BTD: variants seen among roughly 807,000 people sequenced by gnomAD.
The protein encoded by BTD is biotinidase.
BTD carries 13 observed loss-of-function variants against 17.7 expected under a neutral mutation model. The ratio of observed to expected loss-of-function variants is 0.74; its 90% CI spans 0.48 to 1.17. The LOEUF (loss-of-function observed/expected upper bound fraction) is 1.17. Ranked by LOEUF, BTD falls within the 50% of genes most tolerant of loss-of-function variation. The pLI is 0.00. For missense variants in BTD, 674 were observed against 650.4 expected, an observed-to-expected ratio of 1.04 and a Z score of -0.39; for synonymous variants, 240 against 245.2, an observed-to-expected ratio of 0.98 and a Z score of 0.20.
Position 15,650,852 on chromosome 3 carries a change from C to T in BTD, c.*5364C>T, listed in dbSNP as rs757402265. On this transcript the variant is annotated 3_prime_UTR_variant, in exon 4 of 4. Coordinates refer to ENST00000643237, the MANE Select transcript of BTD (RefSeq NM_001370658.1). Reference sequence around the variant, plus strand: ...TGGCATGATCTCGGCTCACTGCAAGCTCTGCCTCCCGAGTTCAAGCGATTC... The same window carrying T: ...TGGCATGATCTCGGCTCACTGCAAGTTCTGCCTCCCGAGTTCAAGCGATTC... Among the ~76,000 whole-genome samples, 1 of 152,226 alleles carries T rather than the reference C, an allele frequency of 6.6e-6. No homozygotes were observed. The highest frequency in any genetic ancestry group is 1.5e-5 in the Non-Finnish European group (1 of 68,040).
intron 3 of BTD, chr3:15,642,295 A>C: frequency 7.1e-7 from 1 of 1,412,786 alleles, no homozygotes; most frequent in Non-Finnish European, 9.2e-7. Flanking sequence ...TAAATACAGG[A>C]ATGTATACTT....
rs781065270 is a variant in BTD at position 15,645,260 on chromosome 3, C to T, written c.1344C>T (p.Phe448=). The part of the protein sequence containing the change: ...CALVRCGGLG[F]DTCGQEITEA... ...TGGTCAGGTGTGGGGGTCTTGGCTTCGACACCTGTGGACAGGAAATCACAG... is the reference window on the plus strand; with the variant it reads ...TGGTCAGGTGTGGGGGTCTTGGCTTTGACACCTGTGGACAGGAAATCACAG... The change falls in exon 4 of 4, where the codon TTC becomes TTT. Residue 448 remains phenylalanine, a synonymous_variant. Coordinates refer to ENST00000643237, the MANE Select transcript of BTD (RefSeq NM_001370658.1). 163 of 1,614,132 alleles carry T rather than the reference C, an allele frequency of 1.0e-4. 1 individual carries two copies. The highest frequency in any genetic ancestry group is 4.9e-4 in the East Asian group (22 of 44,884).
downstream of BTD, among the ~76,000 whole-genome samples, chr3:15,653,802 A>AGTTGC (rs2065841378): frequency 1.3e-5 from 2 of 152,232 alleles, no homozygotes; most frequent in African/African-American, 4.8e-5. Context: ...GCAACTCTCA[A>AGTTGC]AAAATCACGT....
chr3:15,713,598 C>T, downstream of BTD: 2 of 1,610,250 alleles, frequency 1.2e-6, no homozygotes, highest in East Asian at 2.2e-5. Context: ...CTGCTATGTG[C>T]AAAGGGGTAT....
chr3:15,688,979 T>C (rs753930024), intron 3 of BTD, among the ~76,000 whole-genome samples: 2 of 152,216 alleles, frequency 1.3e-5, no homozygotes, highest in Non-Finnish European at 2.9e-5. Flanking sequence ...AAGAAATAAA[T>C]ACTGCATTGT....
In BTD at chr3:15,643,530, A is replaced by C. The variant is rs1233728529; in HGVS notation, c.400-786A>C. 2.0e-5 allele frequency among the ~76,000 whole-genome samples: 3 copies of C among 152,054 alleles called. No homozygotes were observed. In the East Asian group the frequency reaches 5.8e-4, roughly 29 times the overall value. On this transcript the variant is annotated intron_variant, in intron 3 of 3. Transcript: ENST00000643237. ...AAAAAAGAAAAAGAAGAATCTTTTG[A>C]ATTTTTGCCAGTCTTATGAAGGTGA...
rs755223450 is a variant in BTD, at chr3:15,685,401, A to T, written c.400-24659A>T. 2.5e-6 allele frequency: 4 copies of T among 1,614,044 alleles called. No individual in the cohort carries two copies. The highest frequency in any genetic ancestry group is 2.5e-6 in the Non-Finnish European group (3 of 1,179,880). On this transcript the variant is annotated intron_variant, in intron 3 of 3. Transcript: ENST00000672141. Reference sequence around the variant, plus strand: ...TATCCCGAAGTAAGCACTTAGCACCATGTTGAAGTAATGCATCTACACATT... The same window carrying T: ...TATCCCGAAGTAAGCACTTAGCACCTTGTTGAAGTAATGCATCTACACATT...
At chr3:15,675,973 C>T in intron 3 of BTD, 2 of 1,612,624 alleles carry the variant, frequency 1.2e-6, no homozygotes, top group South Asian at 1.1e-5. Context: ...CCATTTCGGG[C>T]AGCAACATGC....
rs372574369 is a variant in BTD at position 15,651,597 on chromosome 3, C to A, written c.*6109C>A. 2.0e-5 allele frequency among the ~76,000 whole-genome samples: 3 copies of A among 152,206 alleles called. No homozygotes were observed. The highest frequency in any genetic ancestry group is 7.2e-5 in the African/African-American group (3 of 41,444). On this transcript the variant is annotated 3_prime_UTR_variant, in exon 4 of 4. Coordinates refer to ENST00000643237, the MANE Select transcript of BTD (RefSeq NM_001370658.1). ...CGTAGCGGTGTGACAGGCAGAGAGCCAGGCGATCCATATCCTGTCTCCTCT... is the reference window on the plus strand; with the variant it reads ...CGTAGCGGTGTGACAGGCAGAGAGCAAGGCGATCCATATCCTGTCTCCTCT...
At chr3:15,606,565 C>G (rs1015964198) in intron 1 of BTD, 2 of 152,210 alleles carry the variant, frequency 1.3e-5, no homozygotes, top group African/African-American at 4.8e-5. Context: ...GAAAACTGAA[C>G]TCTGAATTGG....
chr3:15,660,404 G>T (rs1336263199), intron 3 of BTD, among the ~76,000 whole-genome samples: 1 of 152,156 alleles, frequency 6.6e-6, no homozygotes, highest in African/African-American at 2.4e-5. Context: ...TTCCACTTCT[G>T]ATTCGACTCC....
chr3:15,611,711 G>A (rs1455939593), intron 1 of BTD, among the ~76,000 whole-genome samples: 1 of 151,732 alleles, frequency 6.6e-6, no homozygotes, highest in Admixed American at 6.6e-5. Flanking sequence ...CCAGGAGGCA[G>A]AGGTTGCAAT....
chr3:15,683,785 GC>G (rs1240658452), intron 3 of BTD: 3 of 152,152 alleles, frequency 2.0e-5, no homozygotes, highest in Non-Finnish European at 4.4e-5. Context: ...ACAAGATTCA[GC>G]TTTTTCCTCT....
intron 3 of BTD, chr3:15,694,609 A>G: frequency 1.7e-6 from 1 of 577,104 alleles, no homozygotes; most frequent in Non-Finnish European, 2.8e-6. Flanking sequence ...AAGTTCTCAA[A>G]GTTTTAATTC....
chr3:15,701,778 T>C (rs1197360151), intron 3 of BTD, among the ~76,000 whole-genome samples: 1 of 152,194 alleles, frequency 6.6e-6, no homozygotes, highest in Non-Finnish European at 1.5e-5. Flanking sequence ...AAACTAATTC[T>C]GAGGACATGT....
In BTD at chr3:15,645,150, A is replaced by T. The variant is rs1321393639; in HGVS notation, c.1234A>T (p.Thr412Ser). The change falls in exon 4 of 4, where the codon ACC becomes TCC. Residue 412 changes from threonine (T) to serine (S), a missense_variant. Thr to Ser is a moderately conservative substitution (Grantham distance 58). Coordinates refer to ENST00000643237, the MANE Select transcript of BTD (RefSeq NM_001370658.1). ...CTGTTATTTACTTTACGAGAGGCCC[A>T]CCTTATCCAAAGAGCTGTATGCCCT... ...LCCYLLYERPTLSKELYALGV... is the reference protein window; with the variant it reads ...LCCYLLYERPSLSKELYALGV... 6.2e-7 allele frequency: 1 copy of T among 1,614,004 alleles called. No homozygotes were observed. The highest frequency in any genetic ancestry group is 8.5e-7 in the Non-Finnish European group (1 of 1,180,030).
chr3:15,606,590 A>G (rs2064461438), intron 1 of BTD: 1 of 152,242 alleles, frequency 6.6e-6, no homozygotes, highest in South Asian at 2.1e-4. Flanking sequence ...AATAACTGGA[A>G]TTCAGTTAAC....
At chr3:15,685,895 T>C (rs2068063526) in intron 3 of BTD, 9 of 832,858 alleles carry the variant, frequency 1.1e-5, no homozygotes, top group Non-Finnish European at 1.7e-5. Flanking sequence ...TGGTAAAGAC[T>C]ATTTGACGAA....
intron 3 of BTD, among the ~76,000 whole-genome samples, chr3:15,702,800 T>C (rs1217036209): frequency 3.9e-5 from 6 of 152,186 alleles, no homozygotes; most frequent in African/African-American, 1.2e-4. Flanking sequence ...CATCATGGCA[T>C]ACAACAGTTC....
Sources: gnomAD v4.1 joint callset for allele counts (sites outside exome capture counted in the v4.1 genomes callset) on GRCh38, gnomAD v4.1.1 for gene constraint, MANE v1.5 for transcripts, NCBI Gene and HGNC (gene_info 2026-07-23, HGNC 2026-07-21) for gene names.